SLC39A11: variants seen among roughly 807,000 people sequenced by gnomAD.
The protein encoded by SLC39A11 is solute carrier family 39 member 11, also known as zinc transporter ZIP11.
A neutral mutation model predicts 36.1 loss-of-function variants in SLC39A11; 33 were observed. The observed-to-expected ratio is 0.91, with a 90% CI of 0.69 to 1.22. The LOEUF is 1.22. SLC39A11 is among the 50% of genes most tolerant of loss of function. The probability of loss-of-function intolerance (pLI) is 0.00; values close to 1 mark genes in which losing one functional copy is unlikely to be tolerated. For synonymous variants in SLC39A11, 166 were observed against 170.3 expected, an observed-to-expected ratio of 0.97 and a Z score of 0.20; for missense variants, 432 against 430.3, an observed-to-expected ratio of 1.00 and a Z score of -0.03.
intron 7 of SLC39A11, among the ~76,000 whole-genome samples, chr17:72,660,003 AGTACCACCCCAGGG>A (rs1268618048): frequency 3.3e-5 from 5 of 152,150 alleles, no homozygotes; most frequent in Non-Finnish European, 5.9e-5. Context: ...CGGAGTGCGA[AGTACCACCCCAGGG>A]GTCCCTATAC....
intron 3 of SLC39A11, among the ~76,000 whole-genome samples, chr17:73,033,028 G>T (rs1262661949): frequency 2.0e-5 from 3 of 152,222 alleles, no homozygotes; most frequent in Non-Finnish European, 4.4e-5. Flanking sequence ...GGACCAGGCA[G>T]TGGTTTTGGG....
chr17:72,854,970 C>A (rs1232725614), intron 5 of SLC39A11, among the ~76,000 whole-genome samples: 1 of 152,178 alleles, frequency 6.6e-6, no homozygotes, highest in East Asian at 1.9e-4. Flanking sequence ...ACGGGTCTTG[C>A]GGGCACAAGC....
chr17:72,750,440 G>A (rs747246857), intron 6 of SLC39A11, among the ~76,000 whole-genome samples: 7 of 135,984 alleles, frequency 5.1e-5, no homozygotes, highest in Non-Finnish European at 9.6e-5. Flanking sequence ...GGTGGGGGGT[G>A]GGGAGGACTT....
At chr17:72,996,638 T>C (rs2089525181) in intron 4 of SLC39A11, among the ~76,000 whole-genome samples, 1 of 152,164 alleles carries the variant, frequency 6.6e-6, no homozygotes, top group Non-Finnish European at 1.5e-5. Context: ...CTCTTCTCTT[T>C]TTAGAAGGAC....
chr17:73,067,998 C>G, intron 3 of SLC39A11: 1 of 1,595,552 alleles, frequency 6.3e-7, no homozygotes. Context: ...AACAACTGTT[C>G]TGAGGCCACA....
At chr17:72,776,711 T>G (rs750939944) in intron 6 of SLC39A11, among the ~76,000 whole-genome samples, 1 of 96,422 alleles carries the variant, frequency 1.0e-5, no homozygotes, top group African/African-American at 8.6e-5. Flanking sequence ...CTAGCGGCAT[T>G]ATATATATAC....
intron 7 of SLC39A11, among the ~76,000 whole-genome samples, chr17:72,719,575 T>C (rs2073565184): frequency 6.6e-6 from 1 of 152,194 alleles, no homozygotes; most frequent in African/African-American, 2.4e-5. Flanking sequence ...CCAAGTCGCT[T>C]GTAACAAGCT....
At chr17:73,016,046 G>C (rs763937215) in intron 4 of SLC39A11, among the ~76,000 whole-genome samples, 7 of 152,098 alleles carry the variant, frequency 4.6e-5, no homozygotes, top group Non-Finnish European at 1.0e-4. Context: ...TTCAGACCCT[G>C]GGAAGGTTGT....
chr17:73,043,003 T>C (rs1456035014), intron 3 of SLC39A11, among the ~76,000 whole-genome samples: 2 of 152,162 alleles, frequency 1.3e-5, no homozygotes, highest in African/African-American at 2.4e-5. Context: ...AGTGTGGATC[T>C]GGGCGCTGCC....
chr17:72,660,726 G>A (rs904411299), intron 7 of SLC39A11, among the ~76,000 whole-genome samples: 5 of 152,162 alleles, frequency 3.3e-5, no homozygotes, highest in Non-Finnish European at 5.9e-5. Flanking sequence ...CATCCACAGC[G>A]GGATTTCTCA....
chr17:72,734,109 A>T (rs964355039), intron 7 of SLC39A11, among the ~76,000 whole-genome samples: 4 of 151,964 alleles, frequency 2.6e-5, no homozygotes, highest in Non-Finnish European at 5.9e-5. Context: ...CTCACTCTCC[A>T]CTATCCTTTT....
intron 3 of SLC39A11, among the ~76,000 whole-genome samples, chr17:73,075,810 G>A (rs1399535320): frequency 3.3e-5 from 5 of 151,904 alleles, no homozygotes; most frequent in African/African-American, 4.9e-5. Flanking sequence ...CTGACATCAC[G>A]CCACTGTACT....
intron 3 of SLC39A11, among the ~76,000 whole-genome samples, chr17:73,068,844 G>T (rs1054584257): frequency 2.0e-5 from 3 of 152,030 alleles, no homozygotes; most frequent in African/African-American, 7.2e-5. Context: ...GCACACGCAT[G>T]GCCAGTCCAT....
At chr17:72,740,056 CTTTTTT>C (rs386386565) in intron 6 of SLC39A11, among the ~76,000 whole-genome samples, 17,807 of 81,808 alleles carry the variant, frequency 0.22, 643 homozygotes, top group Admixed American at 0.26. Context: ...CTTTCCTTTT[CTTTTTT>C]TTTTTTTTTT....
intron 3 of SLC39A11, among the ~76,000 whole-genome samples, chr17:73,065,100 G>A (rs537096015): frequency 6.6e-6 from 1 of 152,156 alleles, no homozygotes; most frequent in East Asian, 1.9e-4. Flanking sequence ...AATTATTATT[G>A]GGTCCTTAAA....
At chr17:72,881,388 C>A (rs537513069) in intron 5 of SLC39A11, among the ~76,000 whole-genome samples, 2 of 152,184 alleles carry the variant, frequency 1.3e-5, no homozygotes, top group Non-Finnish European at 2.9e-5. Context: ...CAAAATTTAT[C>A]AAAATTGTAC....
At chr17:72,735,755 T>C (rs1005901045) in intron 7 of SLC39A11, among the ~76,000 whole-genome samples, 2 of 152,170 alleles carry the variant, frequency 1.3e-5, no homozygotes, top group East Asian at 1.9e-4. Flanking sequence ...GAGTGTGGCA[T>C]TTATGGCTTT....
chr17:73,091,857 T>C (rs1031333220), intron 1 of SLC39A11: 3 of 152,298 alleles, frequency 2.0e-5, no homozygotes, highest in Non-Finnish European at 2.9e-5. Context: ...TCCCGGCTGA[T>C]TGATACAGGT....
intron 7 of SLC39A11, among the ~76,000 whole-genome samples, chr17:72,686,045 AT>A (rs1275100723): frequency 6.6e-6 from 1 of 151,492 alleles, no homozygotes; most frequent in Non-Finnish European, 1.5e-5. Context: ...AAAAAAAAAA[AT>A]CTATTGACAG....
Sources: gnomAD v4.1 joint callset for allele counts (sites outside exome capture counted in the v4.1 genomes callset) on GRCh38, gnomAD v4.1.1 for gene constraint, MANE v1.5 for transcripts, NCBI Gene and HGNC (gene_info 2026-07-23, HGNC 2026-07-21) for gene names.